ANKS1B: variants seen among roughly 807,000 people sequenced by gnomAD.
ANKS1B encodes the protein ankyrin repeat and sterile alpha motif domain containing 1B.
Under a neutral mutation model 148.3 loss-of-function variants are expected in ANKS1B, and 36 were observed. The observed-to-expected ratio is 0.24, with a 90% CI of 0.19 to 0.32. ANKS1B has a LOEUF of 0.32. Among genes scored for constraint, ANKS1B ranks in the 10% least tolerant of loss-of-function variants. The pLI, the probability that ANKS1B is intolerant of heterozygous loss-of-function variation, is 1.00. For synonymous variants in ANKS1B, 542 were observed against 560.8 expected, an observed-to-expected ratio of 0.97 and a Z score of 0.47; for missense variants, 1,157 against 1,542.6, an observed-to-expected ratio of 0.75 and a Z score of 4.19.
intron 17 of ANKS1B, among the ~76,000 whole-genome samples, chr12:98,848,289 G>A (rs1379561838): frequency 1.3e-5 from 2 of 152,040 alleles, no homozygotes; most frequent in African/African-American, 4.8e-5. Flanking sequence ...AAATTAAGCT[G>A]GATAGAATAA....
intron 8 of ANKS1B, among the ~76,000 whole-genome samples, chr12:99,686,220 C>G (rs1409876735): frequency 6.6e-6 from 1 of 152,056 alleles, no homozygotes; most frequent in Admixed American, 6.6e-5. Flanking sequence ...TGAACCATAA[C>G]CTAATTTGGT....
At chr12:99,014,737 A>G (rs2099941382) in intron 17 of ANKS1B, among the ~76,000 whole-genome samples, 1 of 152,254 alleles carries the variant, frequency 6.6e-6, no homozygotes, top group Admixed American at 6.5e-5. Flanking sequence ...TTTTCAAAAG[A>G]AGACATATAT....
At chr12:99,292,565 C>T (rs2080171005) in intron 12 of ANKS1B, among the ~76,000 whole-genome samples, 1 of 150,630 alleles carries the variant, frequency 6.6e-6, no homozygotes, top group African/African-American at 2.4e-5. Context: ...AGCAGGCAAC[C>T]TACAGAATGG....
chr12:99,812,324 AAAC>A lies in ANKS1B; in HGVS notation c.216-16_216-14del, dbSNP rs1173047943. 4.4e-6 allele frequency: 7 copies of A among 1,606,694 alleles called. No homozygotes were observed. Among genetic ancestry groups the A allele is most frequent in the East Asian group, 2.2e-5 (1 of 44,780 alleles). ...GAGAACTATGTCCCTAAAAAGGAAA[AAAC>A]AACAACAACAAAATAGGCTGAGCAA... On this transcript the variant is annotated splice_polypyrimidine_tract_variant and intron_variant, in intron 2 of 26. Transcript: ENST00000683438.
intron 15 of ANKS1B, among the ~76,000 whole-genome samples, chr12:99,103,894 A>G (rs574563923): frequency 6.6e-6 from 1 of 152,314 alleles, no homozygotes; most frequent in East Asian, 1.9e-4. Context: ...TACCAATTTA[A>G]TCTAATACTT....
chr12:99,984,875 CG>C lies in ANKS1B; in HGVS notation c.-639del, dbSNP rs1251588668. On this transcript the variant is annotated 5_prime_UTR_variant, in exon 1 of 27. Transcript: ENST00000683438. Reference sequence around the variant, plus strand: ...GGCGGCGGCGGCGAGGCCTGGCGCGCGGGGGGCGTGTGCGCGCGGGCAGGTG... The same window carrying C: ...GGCGGCGGCGGCGAGGCCTGGCGCGCGGGGGCGTGTGCGCGCGGGCAGGTG... Among the ~76,000 whole-genome samples, 2 of 147,650 alleles carry C rather than the reference CG, an allele frequency of 1.4e-5. No individual in the cohort carries two copies. The highest frequency in any genetic ancestry group is 2.4e-5 in the African/African-American group (1 of 40,926).
rs140733902 is a variant in ANKS1B at position 99,412,340 on chromosome 12, C to T, written c.1576-12529G>A. Among the ~76,000 whole-genome samples the T allele has an allele frequency of 2.0e-5, 3 of 152,298 alleles. No homozygotes were observed. The East Asian group carries it at 5.8e-4, about 29-fold the overall frequency. ...GGAGCTTCAGGGGGTCCTTCACCTT[C>T]CTTAGATACTTATTACCATCTGGTG... is the stretch of plus-strand genomic sequence containing the variant. On this transcript the variant is annotated intron_variant, in intron 11 of 26. Coordinates refer to ENST00000683438, the MANE Select transcript of ANKS1B (RefSeq NM_001352186.2).
At chr12:98,897,859 C>A (rs1016827700) in intron 17 of ANKS1B, among the ~76,000 whole-genome samples, 2 of 152,186 alleles carry the variant, frequency 1.3e-5, no homozygotes, top group Non-Finnish European at 2.9e-5. Context: ...TGTAAATATA[C>A]ACCATGGGAT....
intron 10 of ANKS1B, among the ~76,000 whole-genome samples, chr12:99,480,695 A>C (rs952013901): frequency 6.6e-6 from 1 of 151,856 alleles, no homozygotes; most frequent in Admixed American, 6.6e-5. Flanking sequence ...AATAAGTTAC[A>C]TATGACATTA....
chr12:99,830,235 T>C (rs987047879), intron 1 of ANKS1B, among the ~76,000 whole-genome samples: 3 of 152,160 alleles, frequency 2.0e-5, no homozygotes, highest in Non-Finnish European at 4.4e-5. Flanking sequence ...GAAAAATATA[T>C]ACAGATAAAT....
chr12:99,744,277 T>C lies in ANKS1B; in HGVS notation c.1128+28645A>G, dbSNP rs889469988. On this transcript the variant is annotated intron_variant, in intron 8 of 26. Transcript: ENST00000683438. ...TCCTTTTTGAGAGTCAATCACATGA[T>C]AAGTCAATGTAATATTTTTCAATAT... Among the ~76,000 whole-genome samples, 7 of 152,224 alleles carry C rather than the reference T, an allele frequency of 4.6e-5. No individual in the cohort carries two copies. The South Asian group carries it at 6.2e-4, about 14-fold the overall frequency.
intron 17 of ANKS1B, among the ~76,000 whole-genome samples, chr12:98,951,406 C>G (rs1434995053): frequency 1.3e-5 from 2 of 152,184 alleles, no homozygotes; most frequent in African/African-American, 4.8e-5. Context: ...AATTCATCCA[C>G]GTCACCAATA....
intron 1 of ANKS1B, among the ~76,000 whole-genome samples, chr12:99,868,925 C>CA: frequency 1.3e-5 from 2 of 152,164 alleles, no homozygotes; most frequent in Middle Eastern, 3.4e-3. Flanking sequence ...GGCATGGTGG[C>CA]AGGCTCCTGT....
intron 15 of ANKS1B, 92 bp downstream of exon 15, chr12:99,154,197 T>C (rs760331629): frequency 1.2e-4 from 180 of 1,496,536 alleles, no homozygotes; most frequent in Middle Eastern, 1.8e-4. Flanking sequence ...TGACCAGTTT[T>C]GGTGCAAATC....
chr12:99,084,019 G>A (rs1286923095), intron 16 of ANKS1B: 20 of 152,176 alleles, frequency 1.3e-4, no homozygotes. Flanking sequence ...GAAACAGGAG[G>A]TCAACTCTGT....
At chr12:99,546,463 C>T (rs1334433772) in intron 9 of ANKS1B, among the ~76,000 whole-genome samples, 1 of 152,166 alleles carries the variant, frequency 6.6e-6, no homozygotes, top group Non-Finnish European at 1.5e-5. Context: ...GTCCTAATCA[C>T]ATGCCAAACC....
intron 1 of ANKS1B, among the ~76,000 whole-genome samples, chr12:99,883,461 T>C (rs141503871): frequency 1.7e-4 from 26 of 152,148 alleles, no homozygotes; most frequent in African/African-American, 6.3e-4. Context: ...TGAGTAATAA[T>C]TGGAAAAAAT....
intron 12 of ANKS1B, among the ~76,000 whole-genome samples, chr12:99,390,402 A>G (rs971249146): frequency 5.9e-5 from 9 of 152,190 alleles, no homozygotes; most frequent in Admixed American, 4.6e-4. Flanking sequence ...TAGACCAATC[A>G]GAATGACGTA....
intron 17 of ANKS1B, among the ~76,000 whole-genome samples, chr12:99,006,363 T>C (rs764207933): frequency 2.6e-5 from 4 of 152,238 alleles, no homozygotes; most frequent in Non-Finnish European, 5.9e-5. Flanking sequence ...TCCCTGCTTT[T>C]GAGGGATTCA....
Sources: gnomAD v4.1 joint callset for allele counts (sites outside exome capture counted in the v4.1 genomes callset) on GRCh38, gnomAD v4.1.1 for gene constraint, MANE v1.5 for transcripts, NCBI Gene and HGNC (gene_info 2026-07-23, HGNC 2026-07-21) for gene names.